The following TCEANC2 variants were observed in gnomAD, a reference collection of about 807,000 sequenced individuals.
The protein encoded by TCEANC2 is transcription elongation factor A N-terminal and central domain-containing protein 2.
A neutral mutation model predicts 22.8 loss-of-function variants in TCEANC2; 20 were observed. The ratio of observed to expected loss-of-function variants is 0.88; its 90% CI spans 0.62 to 1.28. The LOEUF (loss-of-function observed/expected upper bound fraction) is 1.28, where lower values mean the gene tolerates loss of function less well. TCEANC2 is among the 50% of genes most tolerant of loss of function. TCEANC2 has a pLI of 0.00. For missense variants in TCEANC2, 251 were observed against 249.7 expected (o/e 1.01, Z -0.03); for synonymous variants, 84 against 95.5 (o/e 0.88, Z 0.70).
At chr1:54,084,054 C>G (rs1164591923) in intron 3 of TCEANC2, among the ~76,000 whole-genome samples, 1 of 151,708 alleles carries the variant, frequency 6.6e-6, no homozygotes, top group Non-Finnish European at 1.5e-5. Flanking sequence ...GATCTGTCAC[C>G]CAGGCTGGAG....
intron 3 of TCEANC2, 138 bp downstream of exon 3, chr1:54,069,035 A>C (rs930417986): frequency 9.1e-6 from 9 of 987,760 alleles, no homozygotes. Flanking sequence ...TGTTGTTTAA[A>C]AAATTATCTG....
At position 54,100,244 on chromosome 1, in the gene TCEANC2, A is replaced by G. The variant is rs548301907; in HGVS notation, c.*3771A>G. 6 of 152,338 alleles carry G rather than the reference A, an allele frequency of 3.9e-5. No individual in the cohort carries two copies. Among genetic ancestry groups the G allele is most frequent in the African/African-American group, 1.4e-4 (6 of 41,580 alleles). 9.4% of individuals were successfully genotyped at this position (152,338 alleles called of 1,614,324 possible). The stretch of plus-strand genomic sequence containing the variant: ...CAGAGCAAGACTCACCTCAGTCTCA[A>G]AGATAAAATAAAATAAAAATAAATA... On this transcript the variant is annotated 3_prime_UTR_variant, in exon 5 of 5. Transcript: ENST00000234827.
chr1:54,075,305 G>T lies in TCEANC2; in HGVS notation c.244+6408G>T, dbSNP rs565944141. 1.4e-4 allele frequency among the ~76,000 whole-genome samples: 21 copies of T among 152,314 alleles called. No individual in the cohort carries two copies. The South Asian group carries it at 4.3e-3, about 32-fold the overall frequency. On this transcript the variant is annotated intron_variant, in intron 3 of 4. Transcript: ENST00000234827. ...GGTCTGTGGGAATACAGGGGAGACGGTGAATACTTTTGCTTAGGCAAGTGG... is the reference window on the plus strand; with the variant it reads ...GGTCTGTGGGAATACAGGGGAGACGTTGAATACTTTTGCTTAGGCAAGTGG...
Position 54,096,771 on chromosome 1 carries a change from A to G in TCEANC2, c.*298A>G, listed in dbSNP as rs7524477. ...GAAAGGGTGATGGATTTCACTGTGAATATGCCAAGGACACCTCTAAACTTC... is the reference window on the plus strand; with the variant it reads ...GAAAGGGTGATGGATTTCACTGTGAGTATGCCAAGGACACCTCTAAACTTC... On this transcript the variant is annotated 3_prime_UTR_variant, in exon 5 of 5. Transcript: ENST00000234827. This position sits in a 1 kb window ranked among gnomAD's most constrained non-coding sequence, Gnocchi z 4.9. 56,249 of 1,100,248 alleles carry G rather than the reference A, an allele frequency of 0.051. 5,430 individuals are homozygous for G. The highest frequency in any genetic ancestry group is 0.37 in the African/African-American group (23,024 of 62,022). The allele number at this position is 1,100,248 out of a possible 1,614,324, so 68.2% of individuals were successfully genotyped here. A position where few individuals can be genotyped will look rare whatever the true frequency, so the allele number is the denominator to read the frequency against.
At chr1:54,070,377 A>G (rs113219672) in intron 3 of TCEANC2, among the ~76,000 whole-genome samples, 2,205 of 152,328 alleles carry the variant, frequency 0.014, 19 homozygotes, top group Middle Eastern at 0.044. Flanking sequence ...CACAAATACT[A>G]TATATGATCA....
chr1:54,096,499 C>G lies in TCEANC2; in HGVS notation c.*26C>G, dbSNP rs1658557774. The G allele has an allele frequency of 5.1e-6, 8 of 1,574,426 alleles. No homozygotes were observed. Among genetic ancestry groups the G allele is most frequent in the Non-Finnish European group, 7.0e-6 (8 of 1,150,226 alleles). On this transcript the variant is annotated 3_prime_UTR_variant, in exon 5 of 5. Coordinates refer to ENST00000234827, the MANE Select transcript of TCEANC2 (RefSeq NM_153035.3). This position sits in a 1 kb window ranked among gnomAD's most constrained non-coding sequence, Gnocchi z 4.9. ...CCTGAGGACGGTTCCAGCCCTGGGC[C>G]AGGCAGAGAGGAAAATGGGCCTGTC...
chr1:54,107,171 C>G (rs892916926), downstream of TCEANC2, among the ~76,000 whole-genome samples: 2 of 152,206 alleles, frequency 1.3e-5, no homozygotes, highest in Non-Finnish European at 2.9e-5. Flanking sequence ...GTTTCTCAGG[C>G]TTCCCTTGTT....
At chr1:54,109,074 A>G (rs558193090), downstream of TCEANC2, among the ~76,000 whole-genome samples, 34 of 152,328 alleles carry the variant, frequency 2.2e-4, no homozygotes, top group African/African-American at 8.2e-4. Flanking sequence ...TCACAGTCCA[A>G]TAAGGAGCCA....
chr1:54,078,415 T>C (rs1468291371), intron 3 of TCEANC2, among the ~76,000 whole-genome samples: 1 of 152,154 alleles, frequency 6.6e-6, no homozygotes, highest in Admixed American at 6.5e-5. Context: ...AGGATGCCAT[T>C]GTGCCCTGGA....
intron 3 of TCEANC2, among the ~76,000 whole-genome samples, chr1:54,072,745 T>G (rs79884431): frequency 0.096 from 14,647 of 152,150 alleles, 1,656 homozygotes; most frequent in African/African-American, 0.28. Context: ...AGCCCCAAAA[T>G]GTTTTTTATA....
chr1:54,062,695 G>C (rs1330263639), intron 2 of TCEANC2, among the ~76,000 whole-genome samples: 1 of 152,214 alleles, frequency 6.6e-6, no homozygotes, highest in Non-Finnish European at 1.5e-5. Flanking sequence ...CTTCATAGAA[G>C]ACATGATGCT....
At chr1:54,073,771 G>A (rs199655436) in intron 3 of TCEANC2, among the ~76,000 whole-genome samples, 43 of 152,336 alleles carry the variant, frequency 2.8e-4, no homozygotes, top group African/African-American at 1.0e-3. Flanking sequence ...GCTCAGTTAG[G>A]AAGCTACTAA....
intron 3 of TCEANC2, among the ~76,000 whole-genome samples, chr1:54,084,436 C>T (rs542705728): frequency 6.6e-6 from 1 of 152,174 alleles, no homozygotes; most frequent in Non-Finnish European, 1.5e-5. Flanking sequence ...ACAAACAATA[C>T]TGGAATGAAT....
In TCEANC2 at chr1:54,096,721, T is replaced by A; in HGVS notation, c.*248T>A. 8.3e-7 allele frequency: 1 copy of A among 1,204,200 alleles called. No homozygotes were observed. The highest frequency in any genetic ancestry group is 1.0e-6 in the Non-Finnish European group (1 of 957,736). The allele number at this position is 1,204,200 out of a possible 1,614,324, so 74.6% of individuals were successfully genotyped here. On this transcript the variant is annotated 3_prime_UTR_variant, in exon 5 of 5. Transcript: ENST00000234827. This position sits in a 1 kb window ranked among gnomAD's most constrained non-coding sequence, Gnocchi z 4.9. ...CACTGGCTGTCACTAGGAAGCGCCA[T>A]ACGGTTGCTATCACCCAACATGGTG...
At chr1:54,074,361 G>A (rs2100367461) in intron 3 of TCEANC2, among the ~76,000 whole-genome samples, 1 of 152,258 alleles carries the variant, frequency 6.6e-6, no homozygotes, top group East Asian at 1.9e-4. Flanking sequence ...TACTCAGGAG[G>A]CTGAGGCAGG....
intron 3 of TCEANC2, among the ~76,000 whole-genome samples, chr1:54,086,461 T>C (rs1357072662): frequency 3.9e-5 from 6 of 152,214 alleles, no homozygotes; most frequent in Non-Finnish European, 5.9e-5. Context: ...AAAGGCCGAA[T>C]GGAAGTTGGC....
At chr1:54,063,690 C>T (rs997305244) in intron 2 of TCEANC2, among the ~76,000 whole-genome samples, 25 of 152,198 alleles carry the variant, frequency 1.6e-4, no homozygotes, top group African/African-American at 5.1e-4. Flanking sequence ...ATGCAAATAT[C>T]GAAAAATCCC....
chr1:54,069,127 T>C (rs145483433), intron 3 of TCEANC2, among the ~76,000 whole-genome samples: 1,668 of 152,330 alleles, frequency 0.011, 14 homozygotes, highest in Middle Eastern at 0.044. Flanking sequence ...CCCCAGTTTT[T>C]AAAATTAGAT....
rs952852495 is a variant in TCEANC2, at chr1:54,096,235, A to C, written c.439-50A>C. Reference sequence around the variant, plus strand: ...GAGTGCTCCAGCCTCTCTTGCTTTTAATCCTTACGCAATGTAAGGCTCTAA... The same window carrying C: ...GAGTGCTCCAGCCTCTCTTGCTTTTCATCCTTACGCAATGTAAGGCTCTAA... On this transcript the variant is annotated intron_variant, in intron 4 of 4. Coordinates refer to ENST00000234827, the MANE Select transcript of TCEANC2 (RefSeq NM_153035.3). The surrounding 1 kb of genome is among the most constrained non-coding windows in gnomAD (Gnocchi z 4.9). 1.4e-5 allele frequency: 21 copies of C among 1,544,820 alleles called. No individual in the cohort carries two copies. Among genetic ancestry groups the C allele is most frequent in the Non-Finnish European group, 1.8e-5 (20 of 1,136,242 alleles).
Sources: gnomAD v4.1 joint callset for allele counts (sites outside exome capture counted in the v4.1 genomes callset) on GRCh38, gnomAD v4.1.1 for gene constraint, Gnocchi (gnomAD v3.1) non-coding constraint, MANE v1.5 for transcripts, NCBI Gene and HGNC (gene_info 2026-07-23, HGNC 2026-07-21) for gene names.